The following RALGAPA1 variants were observed in gnomAD, a reference collection of about 807,000 sequenced individuals.
RALGAPA1 encodes the protein ral GTPase-activating protein subunit alpha-1.
RALGAPA1 carries 52 observed loss-of-function variants against 269.6 expected under a neutral mutation model. That is an observed-to-expected ratio of 0.19 (90% CI 0.15 to 0.24). The LOEUF (loss-of-function observed/expected upper bound fraction) is 0.24. Ranked by LOEUF, RALGAPA1 falls within the 10% of genes least tolerant of loss-of-function variation. The pLI, the probability that RALGAPA1 is intolerant of heterozygous loss-of-function variation, is 1.00. For missense variants in RALGAPA1, 1,917 were observed against 3,013.9 expected, an observed-to-expected ratio of 0.64 and a Z score of 8.52; for synonymous variants, 817 against 1,008.3, an observed-to-expected ratio of 0.81 and a Z score of 3.60.
chr14:35,655,420 G>A (rs907710022), intron 29 of RALGAPA1, among the ~76,000 whole-genome samples: 8 of 151,536 alleles, frequency 5.3e-5, no homozygotes, highest in African/African-American at 1.9e-4. Context: ...AAAAGATAAA[G>A]CAAAAAAACT....
Position 35,655,890 on chromosome 14 carries a change from T to C in RALGAPA1, c.5413A>G (p.Ile1805Val). Residue 1805 changes from isoleucine (I) to valine (V), a missense_variant, in exon 29 of 42, where the codon ATT becomes GTT. Ile to Val is a conservative substitution (Grantham distance 29, BLOSUM62 3). This residue lies in a region of RALGAPA1 where 346 missense variants were observed against 566.1 expected (regional missense o/e 0.61). Transcript: ENST00000680220. ...ARCVALCSLG[I>V]WICEELVHES... ...TGGACTAGTTCTTCACAAATCCAAA[T>C]ACCTAAACTACAAAGTGCTACACAT... 6.2e-7 allele frequency: 1 copy of C among 1,613,354 alleles called. No homozygotes were observed. Among genetic ancestry groups the C allele is most frequent in the Non-Finnish European group, 8.5e-7 (1 of 1,179,626 alleles).
In RALGAPA1 at chr14:35,729,561, A is replaced by G. The variant is rs2070278350; in HGVS notation, c.1588-1051T>C. 1.3e-5 allele frequency among the ~76,000 whole-genome samples: 2 copies of G among 152,166 alleles called. 1 individual carries two copies. The highest frequency in any genetic ancestry group is 3.8e-4 in the East Asian group (2 of 5,198). ...AATAAGTATCAGCAAACTGAAAAGG[A>G]AAAGACAAATGGAGCTACGTTCCTG... On this transcript the variant is annotated intron_variant, in intron 12 of 41. Transcript: ENST00000680220.
chr14:35,615,818 C>T (rs1214251439), intron 35 of RALGAPA1, among the ~76,000 whole-genome samples: 1 of 152,074 alleles, frequency 6.6e-6, no homozygotes, highest in Non-Finnish European at 1.5e-5. Context: ...AACTGAATAG[C>T]CAAGATGGCT....
Position 35,717,866 on chromosome 14 carries a change from T to C in RALGAPA1, c.2266+3822A>G, listed in dbSNP as rs1055568450. 6.6e-5 allele frequency among the ~76,000 whole-genome samples: 10 copies of C among 152,224 alleles called. No homozygotes were observed. The Middle Eastern group carries it at 0.01, about 155-fold the overall frequency. ...AGCCACTGTGCCTGGCCAACATTTT[T>C]TTGATATATAATAATCTTTAAGATA... On this transcript the variant is annotated intron_variant, in intron 16 of 41. Coordinates refer to ENST00000680220, the MANE Select transcript of RALGAPA1 (RefSeq NM_001346249.2).
At chr14:35,638,510 A>G (rs2139791669) in intron 31 of RALGAPA1, among the ~76,000 whole-genome samples, 1 of 152,330 alleles carries the variant, frequency 6.6e-6, no homozygotes, top group African/African-American at 2.4e-5. Context: ...CAAAACCATA[A>G]TACCAGAGAA....
intron 39 of RALGAPA1, among the ~76,000 whole-genome samples, chr14:35,552,810 AG>A (rs1191325581): frequency 6.6e-6 from 1 of 152,080 alleles, no homozygotes; most frequent in Admixed American, 6.6e-5. Flanking sequence ...AAAGGAAAAA[AG>A]GGGGGAAGGA....
At chr14:35,657,639 C>G (rs1317626766) in intron 28 of RALGAPA1, among the ~76,000 whole-genome samples, 1 of 150,916 alleles carries the variant, frequency 6.6e-6, no homozygotes. Context: ...TAGACAGCTA[C>G]GTTTTAGGCT....
chr14:35,731,370 C>T (rs2070462702), intron 12 of RALGAPA1, among the ~76,000 whole-genome samples: 1 of 152,080 alleles, frequency 6.6e-6, no homozygotes, highest in African/African-American at 2.4e-5. Flanking sequence ...AGCAATGGAT[C>T]CAAACCAGGA....
At chr14:35,722,129 G>GA (rs1330614661) in intron 15 of RALGAPA1, among the ~76,000 whole-genome samples, 1 of 151,528 alleles carries the variant, frequency 6.6e-6, no homozygotes, top group African/African-American at 2.4e-5. Context: ...ATTTAGACAA[G>GA]AAAAAAAAGA....
intron 35 of RALGAPA1, among the ~76,000 whole-genome samples, chr14:35,609,726 C>T (rs1352894578): frequency 6.6e-6 from 1 of 151,706 alleles, no homozygotes; most frequent in Non-Finnish European, 1.5e-5. Flanking sequence ...AGTTCGAGAC[C>T]AGCCTGGGCA....
rs961857473 is a variant in RALGAPA1, at chr14:35,797,644, G to A, written c.106+11086C>T. ...GCGGATCACCTGAGGTCTGGAGTTCGAGACCAGCCTTACCAACACGGAGAA... is the reference window on the plus strand; with the variant it reads ...GCGGATCACCTGAGGTCTGGAGTTCAAGACCAGCCTTACCAACACGGAGAA... On this transcript the variant is annotated intron_variant, in intron 1 of 41. Coordinates refer to ENST00000680220, the MANE Select transcript of RALGAPA1 (RefSeq NM_001346249.2). Among the ~76,000 whole-genome samples the A allele has an allele frequency of 5.3e-5, 8 of 151,804 alleles. No homozygotes were observed. The South Asian group carries it at 1.7e-3, about 32-fold the overall frequency.
intron 37 of RALGAPA1, among the ~76,000 whole-genome samples, chr14:35,582,584 G>A (rs1050809096): frequency 2.6e-5 from 4 of 152,158 alleles, no homozygotes; most frequent in Admixed American, 6.5e-5. Flanking sequence ...GTGTGGACAA[G>A]TCTAAGAGTT....
chr14:35,598,616 C>T (rs2059077061), intron 36 of RALGAPA1, among the ~76,000 whole-genome samples: 1 of 152,106 alleles, frequency 6.6e-6, no homozygotes, highest in African/African-American at 2.4e-5. Context: ...GAGGGGGTTT[C>T]GCCATGTTGG....
chr14:35,723,755 G>T (rs895471103), intron 14 of RALGAPA1: 2 of 151,966 alleles, frequency 1.3e-5, no homozygotes, highest in Admixed American at 1.3e-4. Context: ...TAAACTAAAG[G>T]TTGAAATTAA....
chr14:35,808,155 G>A (rs937609673), intron 1 of RALGAPA1, among the ~76,000 whole-genome samples: 2 of 152,060 alleles, frequency 1.3e-5, no homozygotes, highest in African/African-American at 4.8e-5. Flanking sequence ...TACAATTCTC[G>A]AGAAGCAAAG....
chr14:35,565,618 C>T (rs2056634613), intron 39 of RALGAPA1, among the ~76,000 whole-genome samples: 1 of 152,104 alleles, frequency 6.6e-6, no homozygotes, highest in African/African-American at 2.4e-5. Context: ...CCCACAACTA[C>T]ATGAACAAAT....
chr14:35,782,528 G>A (rs1488150424), intron 1 of RALGAPA1, among the ~76,000 whole-genome samples: 1 of 152,038 alleles, frequency 6.6e-6, no homozygotes, highest in Non-Finnish European at 1.5e-5. Flanking sequence ...CCGCCTCTCA[G>A]GTTCAAGAGA....
intron 37 of RALGAPA1, among the ~76,000 whole-genome samples, chr14:35,595,153 G>C (rs938949482): frequency 1.3e-5 from 2 of 151,712 alleles, no homozygotes; most frequent in African/African-American, 2.4e-5. Flanking sequence ...CAGGGGTGGA[G>C]TGGGGTATGA....
At position 35,716,397 on chromosome 14, in the gene RALGAPA1, CA is replaced by C. The variant is rs78953823; in HGVS notation, c.2266+5290del. 5.9e-3 allele frequency among the ~76,000 whole-genome samples: 261 copies of C among 44,604 alleles called. 1 individual carries two copies. Among genetic ancestry groups the C allele is most frequent in the African/African-American group, 0.017 (217 of 12,516 alleles). The allele number at this position is 44,604 out of a possible 152,430, so 29.3% of individuals were successfully genotyped here. On this transcript the variant is annotated intron_variant, in intron 16 of 41. Coordinates refer to ENST00000680220, the MANE Select transcript of RALGAPA1 (RefSeq NM_001346249.2). ...TGGGTGACAGAGTGAGACTCCGTCT[CA>C]AAAAAAAAAAAAAAAAAAAAAAGAC...
Sources: gnomAD v4.1 joint callset for allele counts (sites outside exome capture counted in the v4.1 genomes callset) on GRCh38, gnomAD v4.1.1 for gene constraint, gnomAD v4.1.1 regional missense constraint, MANE v1.5 for transcripts, NCBI Gene and HGNC (gene_info 2026-07-23, HGNC 2026-07-21) for gene names.